The following KCNQ1OT1 variants were observed in gnomAD, a reference collection of about 807,000 sequenced individuals.
KCNQ1OT1 encodes the protein KCNQ1 opposite strand/antisense transcript 1.
In KCNQ1OT1 at chr11:2,626,409, C is replaced by G; in HGVS notation, n.73586G>C. The G allele has an allele frequency of 2.5e-6, 1 of 398,616 alleles. No homozygotes were observed. 24.7% of individuals were successfully genotyped at this position (398,616 alleles called of 1,614,324 possible). On this transcript the variant is annotated non_coding_transcript_exon_variant, in exon 1 of 1. Coordinates refer to ENST00000597346, the Ensembl canonical transcript of KCNQ1OT1. This position sits in a 1 kb window ranked among gnomAD's most constrained non-coding sequence, Gnocchi z 4.0. ...TATTGAATGGTCTTGGCACTCTTCTCAGGAATCATTTGATCATGTATACAA... is the reference window on the plus strand; with the variant it reads ...TATTGAATGGTCTTGGCACTCTTCTGAGGAATCATTTGATCATGTATACAA...
At position 2,651,680 on chromosome 11, in the gene KCNQ1OT1, C is replaced by G. The variant is rs1849758631; in HGVS notation, n.48315G>C. On this transcript the variant is annotated non_coding_transcript_exon_variant, in exon 1 of 1. Transcript: ENST00000597346. This position sits in a 1 kb window ranked among gnomAD's most constrained non-coding sequence, Gnocchi z 6.1. ...GCTCACTGACATTAGCCACGTGGCCCTCTGTTTCCTGTAATAGGCCATTTC... is the reference window on the plus strand; with the variant it reads ...GCTCACTGACATTAGCCACGTGGCCGTCTGTTTCCTGTAATAGGCCATTTC... The G allele has an allele frequency of 2.5e-6, 1 of 398,570 alleles. No individual in the cohort carries two copies. The highest frequency in any genetic ancestry group is 2.1e-5 in the African/African-American group (1 of 48,640). 24.7% of individuals were successfully genotyped at this position (398,570 alleles called of 1,614,324 possible).
Position 2,621,915 on chromosome 11 carries a change from G to T in KCNQ1OT1, n.78080C>A, listed in dbSNP as rs1483843492. ...TTATTATTTCCTTCTGTTAACTTTGGCTTTAGTTTGTTCTTCTTTTTCTAA... is the reference window on the plus strand; with the variant it reads ...TTATTATTTCCTTCTGTTAACTTTGTCTTTAGTTTGTTCTTCTTTTTCTAA... On this transcript the variant is annotated non_coding_transcript_exon_variant, in exon 1 of 1. Coordinates refer to ENST00000597346, the Ensembl canonical transcript of KCNQ1OT1. This position sits in a 1 kb window ranked among gnomAD's most constrained non-coding sequence, Gnocchi z 5.7. The T allele has an allele frequency of 7.5e-6, 3 of 397,786 alleles. No individual in the cohort carries two copies. Among genetic ancestry groups the T allele is most frequent in the Non-Finnish European group, 1.3e-5 (3 of 225,844 alleles). The allele number at this position is 397,786 out of a possible 1,614,324, so 24.6% of individuals were successfully genotyped here.
exon 1 of KCNQ1OT1, chr11:2,662,989 C>T (rs1849996113): frequency 5.0e-6 from 2 of 398,728 alleles, no homozygotes; most frequent in Non-Finnish European, 8.8e-6. Flanking sequence ...AGGTGCAAGG[C>T]CTGGCCTTGC....
At chr11:2,631,634 C>A in exon 1 of KCNQ1OT1, 1 of 398,374 alleles carries the variant, frequency 2.5e-6, no homozygotes, top group South Asian at 1.3e-4. Flanking sequence ...GCTATGTTTC[C>A]TTGGTTTTTC....
exon 1 of KCNQ1OT1, chr11:2,646,095 CCT>C (rs1205155991): frequency 2.5e-6 from 1 of 398,456 alleles, no homozygotes; most frequent in African/African-American, 2.1e-5. Flanking sequence ...GCCTGACTCC[CCT>C]CTTATCCCTT....
exon 1 of KCNQ1OT1, chr11:2,633,277 CCGGATATT>C: frequency 2.5e-6 from 1 of 398,372 alleles, no homozygotes; most frequent in Non-Finnish European, 4.4e-6. Flanking sequence ...CTTGTATATT[CCGGATATT>C]AATCCCTTGT....
chr11:2,653,982 A>T lies in KCNQ1OT1; in HGVS notation n.46013T>A, dbSNP rs1351593613. The T allele has an allele frequency of 5.0e-6, 2 of 398,590 alleles. No homozygotes were observed. Among genetic ancestry groups the T allele is most frequent in the East Asian group, 7.1e-5 (2 of 28,088 alleles). The allele number at this position is 398,590 out of a possible 1,614,324, so 24.7% of individuals were successfully genotyped here. ...GTCCACTCAAGCAAGGTATTTTCCT[A>T]AGCGGAACTGGGTGCCAGCTGTGAA... On this transcript the variant is annotated non_coding_transcript_exon_variant, in exon 1 of 1. Transcript: ENST00000597346. This position sits in a 1 kb window ranked among gnomAD's most constrained non-coding sequence, Gnocchi z 5.3.
Position 2,683,039 on chromosome 11 carries a change from C to T in KCNQ1OT1, n.16956G>A. On this transcript the variant is annotated non_coding_transcript_exon_variant, in exon 1 of 1. Transcript: ENST00000597346. This position sits in a 1 kb window ranked among gnomAD's most constrained non-coding sequence, Gnocchi z 4.7. Reference sequence around the variant, plus strand: ...TGCCTCCTGAGAGAGGTGACCTTCTCCCACTTCTTACAGGCAAGGCTCTTG... The same window carrying T: ...TGCCTCCTGAGAGAGGTGACCTTCTTCCACTTCTTACAGGCAAGGCTCTTG... 2.5e-6 allele frequency: 1 copy of T among 398,682 alleles called. No individual in the cohort carries two copies. The highest frequency in any genetic ancestry group is 4.4e-5 in the Admixed American group (1 of 22,738). The allele number at this position is 398,682 out of a possible 1,614,324, so 24.7% of individuals were successfully genotyped here. A position where few individuals can be genotyped will look rare whatever the true frequency, so the allele number is the denominator to read the frequency against.
At chr11:2,699,964 G>T (rs1297149523) in exon 1 of KCNQ1OT1, 1 of 398,248 alleles carries the variant, frequency 2.5e-6, no homozygotes, top group Non-Finnish European at 4.4e-6. Context: ...CTCCCTGGAG[G>T]TCCGTGCTGA....
At chr11:2,641,513 G>A in exon 1 of KCNQ1OT1, 1 of 398,258 alleles carries the variant, frequency 2.5e-6, no homozygotes, top group East Asian at 3.6e-5. Context: ...AGTTATTGGA[G>A]TTCCTAGTAT....
chr11:2,695,614 T>C lies in KCNQ1OT1; in HGVS notation n.4381A>G. 2.5e-6 allele frequency: 1 copy of C among 398,546 alleles called. No individual in the cohort carries two copies. The highest frequency in any genetic ancestry group is 4.4e-6 in the Non-Finnish European group (1 of 226,048). 24.7% of individuals were successfully genotyped at this position (398,546 alleles called of 1,614,324 possible). ...TCTGGGTGAGAACTGCTCCAGCATG[T>C]TTACTTAGGAGGGAAACTGCTGGGC... is the stretch of plus-strand genomic sequence containing the variant. On this transcript the variant is annotated non_coding_transcript_exon_variant, in exon 1 of 1. Coordinates refer to ENST00000597346, the Ensembl canonical transcript of KCNQ1OT1. The surrounding 1 kb of genome is among the most constrained non-coding windows in gnomAD (Gnocchi z 5.2).
exon 1 of KCNQ1OT1, chr11:2,656,777 A>C (rs2133849821): frequency 2.5e-6 from 1 of 398,614 alleles, no homozygotes; most frequent in East Asian, 3.6e-5. Flanking sequence ...TTTAAAAAAA[A>C]CCATCCTAAT....
rs541005459 is a variant in KCNQ1OT1, at chr11:2,650,522, C to T, written n.49473G>A. The T allele has an allele frequency of 7.5e-6, 3 of 398,668 alleles. No individual in the cohort carries two copies. In the South Asian group the frequency reaches 3.8e-4, roughly 51 times the overall value. The allele number at this position is 398,668 out of a possible 1,614,324, so 24.7% of individuals were successfully genotyped here. On this transcript the variant is annotated non_coding_transcript_exon_variant, in exon 1 of 1. Transcript: ENST00000597346. The stretch of plus-strand genomic sequence containing the variant: ...CTACAATTAATTAGACTATAATCCA[C>T]ATCAGTGGTATCTGCAAGTTCATCA...
chr11:2,608,538 T>TA lies in KCNQ1OT1; in HGVS notation n.91456dup, dbSNP rs1360387916. ...TTGCCCAGGCTGGAATAGAGTGGTG[T>TA]AATCATAGCTCACTGTAACCTCGAT... On this transcript the variant is annotated non_coding_transcript_exon_variant, in exon 1 of 1. Coordinates refer to ENST00000597346, the Ensembl canonical transcript of KCNQ1OT1. The surrounding 1 kb of genome is among the most constrained non-coding windows in gnomAD (Gnocchi z 4.6). 6 of 398,476 alleles carry TA rather than the reference T, an allele frequency of 1.5e-5. No individual in the cohort carries two copies. Among genetic ancestry groups the TA allele is most frequent in the Non-Finnish European group, 4.4e-6 (1 of 226,060 alleles). 24.7% of individuals were successfully genotyped at this position (398,476 alleles called of 1,614,324 possible).
rs567694812 is a variant in KCNQ1OT1, at chr11:2,619,634, G to A, written n.80361C>T. ...TGTTGGCCTGTAGTTTCCTTTTCTT[G>A]TGATGCCTTTGGCTCACCTGGGTAT... On this transcript the variant is annotated non_coding_transcript_exon_variant, in exon 1 of 1. Transcript: ENST00000597346. 3 of 397,280 alleles carry A rather than the reference G, an allele frequency of 7.6e-6. No individual in the cohort carries two copies. The Admixed American group carries it at 1.3e-4, about 18-fold the overall frequency. The allele number at this position is 397,280 out of a possible 1,614,324, so 24.6% of individuals were successfully genotyped here.
exon 1 of KCNQ1OT1, chr11:2,615,180 G>T (rs1849041343): frequency 5.0e-6 from 2 of 397,790 alleles, no homozygotes; most frequent in South Asian, 1.3e-4. Context: ...TTTAAAAATT[G>T]ACTTCCTTCT....
At chr11:2,684,310 G>A in exon 1 of KCNQ1OT1, 2 of 398,626 alleles carry the variant, frequency 5.0e-6, no homozygotes, top group Middle Eastern at 6.3e-4. Context: ...TTTCTTCCCT[G>A]CAGTCTCTCT....
chr11:2,611,317 T>G lies in KCNQ1OT1; in HGVS notation n.88678A>C, dbSNP rs1197494656. 1 of 397,428 alleles carries G rather than the reference T, an allele frequency of 2.5e-6. No homozygotes were observed. Among genetic ancestry groups the G allele is most frequent in the African/African-American group, 2.1e-5 (1 of 48,592 alleles). 24.6% of individuals were successfully genotyped at this position (397,428 alleles called of 1,614,324 possible). On this transcript the variant is annotated non_coding_transcript_exon_variant, in exon 1 of 1. Transcript: ENST00000597346. This position sits in a 1 kb window ranked among gnomAD's most constrained non-coding sequence, Gnocchi z 5.3. ...TCACTGCAACCTCTGCCTCCCGGAT[T>G]CAAGCCGTTCTCTTGCCTCAGCATC... is the stretch of plus-strand genomic sequence containing the variant.
At position 2,654,588 on chromosome 11, in the gene KCNQ1OT1, AG is replaced by A. The variant is rs919614593; in HGVS notation, n.45406del. 4 of 398,580 alleles carry A rather than the reference AG, an allele frequency of 1.0e-5. No homozygotes were observed. Among genetic ancestry groups the A allele is most frequent in the African/African-American group, 4.1e-5 (2 of 48,580 alleles). The allele number at this position is 398,580 out of a possible 1,614,324, so 24.7% of individuals were successfully genotyped here. On this transcript the variant is annotated non_coding_transcript_exon_variant, in exon 1 of 1. Transcript: ENST00000597346. The surrounding 1 kb of genome is among the most constrained non-coding windows in gnomAD (Gnocchi z 6.4). ...TTTAATCAATCAGGAGGGGAAGGGC[AG>A]GGGGTGAGTGGTTGGGTGAAGTTAC...
Sources: allele counts gnomAD v4.1 joint callset, GRCh38; gene constraint gnomAD v4.1.1; non-coding constraint Gnocchi (gnomAD v3.1); transcripts MANE v1.5; gene names NCBI Gene and HGNC (gene_info 2026-07-23, HGNC 2026-07-21).